The following RICTOR variants were observed in gnomAD, a reference collection of about 807,000 sequenced individuals.
RICTOR encodes RPTOR independent companion of MTOR complex 2.
In RICTOR, 49 loss-of-function variants were observed where a neutral mutation model predicts 214.9. That is an observed-to-expected ratio of 0.23 (90% confidence interval 0.18 to 0.29). RICTOR has a LOEUF of 0.29. Among genes scored for constraint, RICTOR ranks in the 10% least tolerant of loss-of-function variants. The probability of loss-of-function intolerance (pLI) is 1.00; values close to 1 mark genes in which losing one functional copy is unlikely to be tolerated. For missense variants in RICTOR, 1,625 were observed against 2,047.0 expected, an observed-to-expected ratio of 0.79 and a Z score of 3.98; for synonymous variants, 717 against 711.3, an observed-to-expected ratio of 1.01 and a Z score of -0.13.
At chr5:39,046,540 T>C (rs1757517495) in intron 2 of RICTOR, among the ~76,000 whole-genome samples, 1 of 151,492 alleles carries the variant, frequency 6.6e-6, no homozygotes. Flanking sequence ...ATCATTCAAA[T>C]TAAGCTGTCC....
At chr5:39,068,266 C>T (rs994785639) in intron 2 of RICTOR, among the ~76,000 whole-genome samples, 1 of 152,174 alleles carries the variant, frequency 6.6e-6, no homozygotes, top group African/African-American at 2.4e-5. Context: ...CAAGGAATAG[C>T]AAACATTCTT....
chr5:38,992,347 T>G (rs1752849888), intron 6 of RICTOR, among the ~76,000 whole-genome samples: 1 of 152,088 alleles, frequency 6.6e-6, no homozygotes, highest in Admixed American at 6.6e-5. Context: ...CGGTAAGTTC[T>G]TTTTTAATAC....
intron 2 of RICTOR, among the ~76,000 whole-genome samples, chr5:39,037,922 C>G (rs1756858247): frequency 6.6e-6 from 1 of 152,190 alleles, no homozygotes; most frequent in South Asian, 2.1e-4. Flanking sequence ...CCTTCTGAAA[C>G]TATTCCAATC....
chr5:39,064,504 A>T (rs1157042343), intron 2 of RICTOR, among the ~76,000 whole-genome samples: 1 of 152,204 alleles, frequency 6.6e-6, no homozygotes, highest in Non-Finnish European at 1.5e-5. Flanking sequence ...TTCTACCATT[A>T]TTCATCTTTT....
In RICTOR at chr5:39,074,125, A is replaced by T; in HGVS notation, c.83T>A (p.Leu28Gln). Residue 28 changes from leucine (L) to glutamine (Q), a missense_variant, in exon 2 of 38, where the codon CTG (leucine) becomes CAG (glutamine). Leu to Gln is a moderately radical substitution (Grantham distance 113). This residue lies in a region of RICTOR where 71 missense variants were observed against 57.9 expected (regional missense o/e 1.23). Coordinates refer to ENST00000357387, the MANE Select transcript of RICTOR (RefSeq NM_152756.5). ...RNDSGEENVP[L>Q]DLTREPSDNL... is the part of the protein sequence containing the mutation. ...CCCCGCGTTACCTCGGGTCAGATCC[A>T]GCGGGACGTTCTCCTCGCCGCTGTC... The T allele has an allele frequency of 6.3e-7, 1 of 1,582,588 alleles. No homozygotes were observed. Among genetic ancestry groups the T allele is most frequent in the South Asian group, 1.1e-5 (1 of 88,112 alleles).
intron 2 of RICTOR, among the ~76,000 whole-genome samples, chr5:39,027,392 T>C (rs997788179): frequency 6.6e-6 from 1 of 150,832 alleles, no homozygotes; most frequent in Non-Finnish European, 1.5e-5. Flanking sequence ...TGAGAGGAAC[T>C]GAAAAAAAAT....
chr5:39,003,450 T>A, intron 4 of RICTOR, 108 bp downstream of exon 4: 2 of 680,460 alleles, frequency 2.9e-6, no homozygotes, highest in Non-Finnish European at 4.9e-6. Flanking sequence ...ACTATTTCTA[T>A]AAAATCAAAT....
Position 38,950,224 on chromosome 5 carries a change from T to C in RICTOR, c.3624A>G (p.Ser1208=). ...TSRERLVVES[S]TSSHMKIRSQ... ...TACGTATCTTCATATGTGAGCTCGT[T>C]GAACTTTCTACTACTAACCTCTCTC... Residue 1208 remains serine, a synonymous_variant, in exon 31 of 38, where the codon TCA becomes TCG. Coordinates refer to ENST00000357387, the MANE Select transcript of RICTOR (RefSeq NM_152756.5). 1 of 1,613,620 alleles carries C rather than the reference T, an allele frequency of 6.2e-7. No individual in the cohort carries two copies. Among genetic ancestry groups the C allele is most frequent in the Non-Finnish European group, 8.5e-7 (1 of 1,179,670 alleles).
Position 38,996,798 on chromosome 5 carries a change from ACT to A in RICTOR, c.456+19_456+20del, listed in dbSNP as rs761354553. 4 of 1,524,232 alleles carry A rather than the reference ACT, an allele frequency of 2.6e-6. No homozygotes were observed. Among genetic ancestry groups the A allele is most frequent in the Admixed American group, 3.6e-5 (2 of 55,520 alleles). The allele number at this position is 1,524,232 out of a possible 1,614,324, so 94.4% of individuals were successfully genotyped here. A position where few individuals can be genotyped will look rare whatever the true frequency, so the allele number is the denominator to read the frequency against. On this transcript the variant is annotated intron_variant, in intron 6 of 37. Transcript: ENST00000357387. ...CATAAAAACCATAAATTTGCCTTTT[ACT>A]CTCACACATAGAGCATACCTTTCTG...
chr5:38,971,893 G>A lies in RICTOR; in HGVS notation c.956C>T (p.Pro319Leu). 1 of 1,409,710 alleles carries A rather than the reference G, an allele frequency of 7.1e-7. No individual in the cohort carries two copies. The highest frequency in any genetic ancestry group is 1.0e-6 in the Non-Finnish European group (1 of 997,326). 87.3% of individuals were successfully genotyped at this position (1,409,710 alleles called of 1,614,324 possible). A position where few individuals can be genotyped will look rare whatever the true frequency, so the allele number is the denominator to read the frequency against. ...TTTACCTACCCTTATTTCCATATTT[G>A]GTATGCAAAGTACTCCTATTAGAGA... ...IQSLIGVLCI[P>L]NMEIRRGLLE... The change falls in exon 11 of 38, where the codon CCA becomes CTA. Residue 319 changes from proline to leucine, a missense_variant. Physicochemically the swap from Pro to Leu is moderately conservative, Grantham distance 98. Around this residue, in one of 5 missense-constraint regions of RICTOR, gnomAD observed 258 missense variants for 393.7 expected, o/e 0.66. Coordinates refer to ENST00000357387, the MANE Select transcript of RICTOR (RefSeq NM_152756.5).
intron 8 of RICTOR, among the ~76,000 whole-genome samples, chr5:38,979,935 T>C (rs1282638623): frequency 6.6e-6 from 1 of 152,240 alleles, no homozygotes; most frequent in Non-Finnish European, 1.5e-5. Context: ...TTTTTCTCTG[T>C]GCTTTACTGT....
intron 6 of RICTOR, 57 bp downstream of exon 6, chr5:38,996,762 G>C (rs1753208081): frequency 1.5e-5 from 15 of 1,026,388 alleles, no homozygotes; most frequent in Non-Finnish European, 2.2e-5. Context: ...ATCTAAAAAT[G>C]TAAATATTAA....
chr5:39,023,214 A>G (rs538606315), intron 2 of RICTOR, among the ~76,000 whole-genome samples: 33 of 152,264 alleles, frequency 2.2e-4, no homozygotes, highest in African/African-American at 7.5e-4. Context: ...GAAAGAAAAA[A>G]TGCTTTAAAA....
chr5:39,024,401 G>C (rs1755654597), intron 2 of RICTOR, among the ~76,000 whole-genome samples: 1 of 151,980 alleles, frequency 6.6e-6, no homozygotes, highest in African/African-American at 2.4e-5. Context: ...CCATGAATAG[G>C]TCACTGTATT....
intron 33 of RICTOR, 48 bp downstream of exon 33, chr5:38,946,420 T>C (rs915345907): frequency 8.3e-6 from 10 of 1,199,234 alleles, no homozygotes; most frequent in Non-Finnish European, 1.2e-5. Context: ...AAGAGTTTTC[T>C]TTTTAATATA....
rs192850926 is a variant in RICTOR, at chr5:38,941,428, C to T, written c.*876G>A. ...ATCCAAAGTATTATTTAATGCTTTC[C>T]TATCCTTTAGGTCTAAACTAACAGT... On this transcript the variant is annotated 3_prime_UTR_variant, in exon 38 of 38. Transcript: ENST00000357387. 22 of 231,846 alleles carry T rather than the reference C, an allele frequency of 9.5e-5. No homozygotes were observed. The highest frequency in any genetic ancestry group is 1.6e-4 in the Non-Finnish European group (19 of 117,004). The allele number at this position is 231,846 out of a possible 1,614,324, so 14.4% of individuals were successfully genotyped here. A position where few individuals can be genotyped will look rare whatever the true frequency, so the allele number is the denominator to read the frequency against.
At chr5:38,995,597 AAT>A (rs1378383955) in intron 6 of RICTOR, among the ~76,000 whole-genome samples, 1 of 152,118 alleles carries the variant, frequency 6.6e-6, no homozygotes, top group Non-Finnish European at 1.5e-5. Flanking sequence ...TTTTCATAAA[AAT>A]GTTATTTATA....
Position 38,966,638 on chromosome 5 carries a change from T to C in RICTOR, c.1299+3A>G. ...ACATATAATCAGAAGTTGCTAAACT[T>C]ACCATATGTAAAAGCTCTCCTAAAA... On this transcript the variant is annotated splice_donor_region_variant and intron_variant, in intron 15 of 37. Coordinates refer to ENST00000357387, the MANE Select transcript of RICTOR (RefSeq NM_152756.5). 2.1e-6 allele frequency: 3 copies of C among 1,457,118 alleles called. No homozygotes were observed. Among genetic ancestry groups the C allele is most frequent in the Non-Finnish European group, 2.9e-6 (3 of 1,046,600 alleles). 90.3% of individuals were successfully genotyped at this position (1,457,118 alleles called of 1,614,324 possible). A position where few individuals can be genotyped will look rare whatever the true frequency, so the allele number is the denominator to read the frequency against.
At chr5:39,036,370 T>C (rs1020024730) in intron 2 of RICTOR, among the ~76,000 whole-genome samples, 2 of 152,136 alleles carry the variant, frequency 1.3e-5, no homozygotes, top group South Asian at 2.1e-4. Context: ...ACATGCCAAA[T>C]TGTAAAGACC....
Sources: gnomAD v4.1 joint callset for allele counts (sites outside exome capture counted in the v4.1 genomes callset) on GRCh38, gnomAD v4.1.1 for gene constraint, gnomAD v4.1.1 regional missense constraint, MANE v1.5 for transcripts, NCBI Gene and HGNC (gene_info 2026-07-23, HGNC 2026-07-21) for gene names.